The following PIGL variants were observed in gnomAD, a reference collection of about 807,000 sequenced individuals.
PIGL encodes the protein phosphatidylinositol glycan anchor biosynthesis class L, also known as N-acetylglucosaminyl-phosphatidylinositol de-N-acetylase.
PIGL carries 22 observed loss-of-function variants against 31.1 expected under a neutral mutation model. The observed-to-expected ratio is 0.71, with a 90% CI of 0.51 to 1.01. The LOEUF is 1.01. Ranked by LOEUF, PIGL falls within the 50% of genes least tolerant of loss-of-function variation. The pLI is 0.00. For synonymous variants in PIGL, 131 were observed against 117.4 expected (o/e 1.12, Z -0.75); for missense variants, 302 against 315.9 (o/e 0.96, Z 0.33).
intron 3 of PIGL, among the ~76,000 whole-genome samples, chr17:16,308,651 T>C (rs975023281): frequency 6.6e-6 from 1 of 152,122 alleles, no homozygotes; most frequent in African/African-American, 2.4e-5. Flanking sequence ...AGCAGGCAGA[T>C]TGCTTGAGCC....
At chr17:16,316,750 T>C (rs2093079016) in intron 5 of PIGL, 38 bp downstream of exon 5, 2 of 1,605,620 alleles carry the variant, frequency 1.2e-6, no homozygotes, top group African/African-American at 1.3e-5. Context: ...CACAAGATAC[T>C]GTCCCTCTGA....
chr17:16,224,899 G>A (rs1202749624), intron 1 of PIGL, among the ~76,000 whole-genome samples: 2 of 150,094 alleles, frequency 1.3e-5, no homozygotes, highest in Non-Finnish European at 3.0e-5. Flanking sequence ...CTCGTGATCC[G>A]CCCACCTCAG....
At chr17:16,221,814 T>G (rs2092630723) in intron 1 of PIGL, among the ~76,000 whole-genome samples, 1 of 152,066 alleles carries the variant, frequency 6.6e-6, no homozygotes, top group African/African-American at 2.4e-5. Context: ...AGAGACAGGG[T>G]TTCACCATGT....
intron 3 of PIGL, among the ~76,000 whole-genome samples, chr17:16,304,461 G>A (rs1394386391): frequency 6.6e-6 from 1 of 152,174 alleles, no homozygotes; most frequent in Non-Finnish European, 1.5e-5. Context: ...ACAGAGTTTT[G>A]AAAAGTACAA....
chr17:16,265,030 T>G (rs73281979), intron 2 of PIGL, among the ~76,000 whole-genome samples: 7,426 of 152,294 alleles, frequency 0.049, 625 homozygotes, highest in African/African-American at 0.17. Flanking sequence ...ATATAATGCT[T>G]ATAGTCCTTC....
Position 16,317,876 on chromosome 17 carries a change from G to A in PIGL, c.628G>A (p.Val210Met), listed in dbSNP as rs777960192. 1.6e-5 allele frequency: 26 copies of A among 1,613,684 alleles called. No homozygotes were observed. Among genetic ancestry groups the A allele is most frequent in the South Asian group, 3.3e-5 (3 of 91,070 alleles). The change falls in exon 6 of 7, where the codon GTG (valine) becomes ATG (methionine). Residue 210 changes from valine (V) to methionine (M), a missense_variant. Transcript: ENST00000225609. ...GCTTCATACGCAGGATGTCCTCTTCGTGCTCAACAGCAAAGAAGTGGCACA... is the reference window on the plus strand; with the variant it reads ...GCTTCATACGCAGGATGTCCTCTTCATGCTCAACAGCAAAGAAGTGGCACA... ...SLLHTQDVLFVLNSKEVAQAK... is the reference protein window; with the variant it reads ...SLLHTQDVLFMLNSKEVAQAK...
intron 2 of PIGL, among the ~76,000 whole-genome samples, chr17:16,269,437 C>A (rs2092860188): frequency 6.6e-6 from 1 of 152,084 alleles, no homozygotes; most frequent in South Asian, 2.1e-4. Flanking sequence ...CATCTGCAGT[C>A]AGGAGTTCGA....
rs368057097 is a variant in PIGL at position 16,267,916 on chromosome 17, C to T, written c.336-31972C>T. On this transcript the variant is annotated intron_variant, in intron 2 of 6. Coordinates refer to ENST00000225609, the MANE Select transcript of PIGL (RefSeq NM_004278.4). ...TCTCCTGGTGGAGGCAGGCTCTGCTCTACTTAACTCTACTCCAGGCAAGAG... is the reference window on the plus strand; with the variant it reads ...TCTCCTGGTGGAGGCAGGCTCTGCTTTACTTAACTCTACTCCAGGCAAGAG... Among the ~76,000 whole-genome samples, 192 of 152,174 alleles carry T rather than the reference C, an allele frequency of 1.3e-3. 6 individuals are homozygous for T. In the South Asian group the frequency reaches 0.038, roughly 30 times the overall value.
chr17:16,274,299 C>T lies in PIGL; in HGVS notation c.336-25589C>T, dbSNP rs562620786. Among the ~76,000 whole-genome samples the T allele has an allele frequency of 2.6e-5, 4 of 152,256 alleles. No individual in the cohort carries two copies. In the East Asian group the frequency reaches 5.8e-4, roughly 22 times the overall value. On this transcript the variant is annotated intron_variant, in intron 2 of 6. Coordinates refer to ENST00000225609, the MANE Select transcript of PIGL (RefSeq NM_004278.4). Reference sequence around the variant, plus strand: ...TGGGTCACAGGACAAGCAGTTCAGACCTGAGGCCAAGAAGAGGAAGGCAAG... The same window carrying T: ...TGGGTCACAGGACAAGCAGTTCAGATCTGAGGCCAAGAAGAGGAAGGCAAG...
chr17:16,305,420 G>A (rs529112530), intron 3 of PIGL, among the ~76,000 whole-genome samples: 28 of 152,312 alleles, frequency 1.8e-4, no homozygotes, highest in African/African-American at 6.5e-4. Flanking sequence ...GTCTGGGTAA[G>A]ATTTTATTTG....
intron 1 of PIGL, among the ~76,000 whole-genome samples, chr17:16,224,785 T>C (rs2092644761): frequency 6.6e-6 from 1 of 152,088 alleles, no homozygotes; most frequent in African/African-American, 2.4e-5. Flanking sequence ...GCCTCCCAAA[T>C]AGCTGGGACT....
chr17:16,262,803 A>G (rs2092824469), intron 2 of PIGL, among the ~76,000 whole-genome samples: 1 of 152,260 alleles, frequency 6.6e-6, no homozygotes, highest in Non-Finnish European at 1.5e-5. Flanking sequence ...GCCAACAGGT[A>G]GAAACAACCA....
chr17:16,300,916 A>G (rs1301964239), intron 3 of PIGL, among the ~76,000 whole-genome samples: 1 of 152,200 alleles, frequency 6.6e-6, no homozygotes, highest in Non-Finnish European at 1.5e-5. Flanking sequence ...CAAGCCTAGC[A>G]ACACCAGTCT....
chr17:16,311,486 A>ATTTTTTTTTTTT (rs1568840853), intron 3 of PIGL, among the ~76,000 whole-genome samples: 29 of 10,290 alleles, frequency 2.8e-3, no homozygotes, highest in East Asian at 4.8e-3. Flanking sequence ...TTTTTTGATC[A>ATTTTTTTTTTTT]TTCTTGGGTG....
At chr17:16,262,748 AC>A (rs1275024267) in intron 2 of PIGL, among the ~76,000 whole-genome samples, 1 of 152,254 alleles carries the variant, frequency 6.6e-6, no homozygotes, top group African/African-American at 2.4e-5. Flanking sequence ...AATAATTCAA[AC>A]AAAAACTTGT....
chr17:16,317,463 C>G (rs1012048267), intron 5 of PIGL: 1 of 1,090,650 alleles, frequency 9.2e-7, no homozygotes. Context: ...ACTCCCAATA[C>G]AGTAATTCCT....
chr17:16,231,067 CTTTTTTT>C (rs59390439), intron 1 of PIGL, among the ~76,000 whole-genome samples: 29 of 96,528 alleles, frequency 3.0e-4, no homozygotes, highest in African/African-American at 6.5e-4. Flanking sequence ...TTTGGTTTTT[CTTTTTTT>C]TTTTTTTTTT....
intron 2 of PIGL, among the ~76,000 whole-genome samples, chr17:16,278,162 T>A (rs2092903245): frequency 6.6e-6 from 1 of 152,144 alleles, no homozygotes; most frequent in South Asian, 2.1e-4. Flanking sequence ...TTCAAGCAAT[T>A]CTTCTGCCTC....
chr17:16,306,424 A>T (rs367577663), intron 3 of PIGL, among the ~76,000 whole-genome samples: 1 of 152,012 alleles, frequency 6.6e-6, no homozygotes, highest in East Asian at 1.9e-4. Flanking sequence ...AGAGTTAGAG[A>T]TAAAAGTAGA....
Sources: allele counts gnomAD v4.1 joint callset (sites outside exome capture counted in the v4.1 genomes callset), GRCh38; gene constraint gnomAD v4.1.1; transcripts MANE v1.5; gene names NCBI Gene and HGNC (gene_info 2026-07-23, HGNC 2026-07-21).